Variants in DERA observed in about 807,000 individuals in gnomAD.
DERA encodes the protein deoxyribose-phosphate aldolase.
Under a neutral mutation model 41.1 loss-of-function variants are expected in DERA, and 15 were observed. That is an observed-to-expected ratio of 0.37 (90% CI 0.24 to 0.56). DERA has a LOEUF of 0.56. Ranked by LOEUF, DERA falls within the 20% of genes least tolerant of loss-of-function variation. The pLI is 0.81. For synonymous variants in DERA, 139 were observed against 137.4 expected (o/e 1.01, Z -0.08); for missense variants, 396 against 403.4 (o/e 0.98, Z 0.16).
chr12:16,027,897 A>G (rs1949063572), intron 6 of DERA, among the ~76,000 whole-genome samples: 2 of 152,260 alleles, frequency 1.3e-5, no homozygotes, highest in Non-Finnish European at 2.9e-5. Flanking sequence ...TGGTTAATAT[A>G]CAAAATTCAG....
chr12:15,932,718 T>G (rs537868768), intron 1 of DERA, among the ~76,000 whole-genome samples: 1 of 152,342 alleles, frequency 6.6e-6, no homozygotes, highest in African/African-American at 2.4e-5. Context: ...ATTTAAAGTC[T>G]ATTGTTAACG....
rs538955368 is a variant in DERA, at chr12:15,961,438, G to C, written c.374-1375G>C. ...ATCTGTGATCCCAACACTTTGGGGG[G>C]GCTCAGGCGAGAGGATTGATTAAAG... On this transcript the variant is annotated intron_variant, in intron 4 of 8. Coordinates refer to ENST00000428559, the MANE Select transcript of DERA (RefSeq NM_015954.4). Among the ~76,000 whole-genome samples, 289 of 152,228 alleles carry C rather than the reference G, an allele frequency of 1.9e-3. 2 individuals carry two copies. The highest frequency in any genetic ancestry group is 6.5e-3 in the African/African-American group (270 of 41,534).
At chr12:15,942,748 A>G (rs1194306191) in intron 1 of DERA, among the ~76,000 whole-genome samples, 1 of 152,198 alleles carries the variant, frequency 6.6e-6, no homozygotes, top group East Asian at 1.9e-4. Flanking sequence ...AACACTTGGT[A>G]AAGTAACACT....
In DERA at chr12:15,976,413, C is replaced by T. The variant is rs928969728; in HGVS notation, c.509-5895C>T. 6.6e-6 allele frequency among the ~76,000 whole-genome samples: 1 copy of T among 152,154 alleles called. No individual in the cohort carries two copies. The highest frequency in any genetic ancestry group is 1.5e-5 in the Non-Finnish European group (1 of 68,034). The stretch of plus-strand genomic sequence containing the variant: ...AGCTGACTGCACGTCCCCCTCACCT[C>T]GCCTCCATCATGTTGCCATGATGTA... On this transcript the variant is annotated intron_variant, in intron 5 of 8. Transcript: ENST00000428559. This position sits in a 1 kb window ranked among gnomAD's most constrained non-coding sequence, Gnocchi z 4.1.
intron 1 of DERA, among the ~76,000 whole-genome samples, chr12:15,916,546 G>A (rs554290262): frequency 6.6e-6 from 1 of 151,468 alleles, no homozygotes; most frequent in South Asian, 2.1e-4. Context: ...CGCCTCCCGG[G>A]TTCAAGTGAG....
rs1347089660 is a variant in DERA, at chr12:15,911,898, T to C, written c.31+484T>C. 2.5e-6 allele frequency: 1 copy of C among 403,430 alleles called. No homozygotes were observed. Among genetic ancestry groups the C allele is most frequent in the East Asian group, 7.1e-5 (1 of 14,010 alleles). The allele number at this position is 403,430 out of a possible 1,614,324, so 25.0% of individuals were successfully genotyped here. On this transcript the variant is annotated intron_variant, in intron 1 of 8. Transcript: ENST00000428559. This position sits in a 1 kb window ranked among gnomAD's most constrained non-coding sequence, Gnocchi z 4.5. ...TTGTCAGCCGTCTGTGCTCAAAATG[T>C]AACACTGCAGATTCATGGGATTTTA...
At chr12:15,933,938 C>T (rs1029693960) in intron 1 of DERA, among the ~76,000 whole-genome samples, 4 of 152,210 alleles carry the variant, frequency 2.6e-5, no homozygotes, top group South Asian at 2.1e-4. Flanking sequence ...TGTCAGGCCA[C>T]GTAAGCTGGT....
chr12:15,973,365 A>C (rs923299652), intron 5 of DERA, among the ~76,000 whole-genome samples: 3 of 149,682 alleles, frequency 2.0e-5, no homozygotes, highest in African/African-American at 7.4e-5. Flanking sequence ...TAAATTTTGC[A>C]TTATTCTGAC....
Position 15,982,215 on chromosome 12 carries a change from A to G in DERA, c.509-93A>G. 7.9e-7 allele frequency: 1 copy of G among 1,258,836 alleles called. No homozygotes were observed. Among genetic ancestry groups the G allele is most frequent in the African/African-American group, 1.5e-5 (1 of 66,230 alleles). The allele number at this position is 1,258,836 out of a possible 1,614,324, so 78.0% of individuals were successfully genotyped here. A position where few individuals can be genotyped will look rare whatever the true frequency, so the allele number is the denominator to read the frequency against. On this transcript the variant is annotated intron_variant, in intron 5 of 8. Transcript: ENST00000428559. This position sits in a 1 kb window ranked among gnomAD's most constrained non-coding sequence, Gnocchi z 4.0. ...AAGTGACAAATGTTTTATGTTTCCT[A>G]AATGTGAAATGGGTTCCACCAGCTC... is the stretch of plus-strand genomic sequence containing the variant.
In DERA at chr12:15,954,959, T is replaced by C. The variant is rs948152938; in HGVS notation, c.32-1977T>C. Among the ~76,000 whole-genome samples, 21 of 151,710 alleles carry C rather than the reference T, an allele frequency of 1.4e-4. 1 individual carries two copies. The highest frequency in any genetic ancestry group is 1.4e-3 in the Admixed American group (21 of 15,242). Reference sequence around the variant, plus strand: ...TTCTATATCTGCTTGAAACAGTCTTTACCATGAACCAAATCAGCATTATCA... The same window carrying C: ...TTCTATATCTGCTTGAAACAGTCTTCACCATGAACCAAATCAGCATTATCA... On this transcript the variant is annotated intron_variant, in intron 1 of 8. Coordinates refer to ENST00000428559, the MANE Select transcript of DERA (RefSeq NM_015954.4). This position sits in a 1 kb window ranked among gnomAD's most constrained non-coding sequence, Gnocchi z 4.0.
chr12:15,926,859 C>G (rs925100705), intron 1 of DERA, among the ~76,000 whole-genome samples: 1 of 152,126 alleles, frequency 6.6e-6, no homozygotes, highest in Non-Finnish European at 1.5e-5. Context: ...GAATTCAGCC[C>G]TCATGCCTTA....
chr12:15,937,250 C>G (rs1948375257), intron 1 of DERA, among the ~76,000 whole-genome samples: 1 of 152,116 alleles, frequency 6.6e-6, no homozygotes, highest in African/African-American at 2.4e-5. Context: ...GCCACTGTGC[C>G]CAGCCTGTAT....
intron 1 of DERA, among the ~76,000 whole-genome samples, chr12:15,920,854 C>T (rs895844861): frequency 6.6e-6 from 1 of 151,920 alleles, no homozygotes; most frequent in African/African-American, 2.4e-5. Context: ...ATACCCCCCC[C>T]AAAAATACCA....
intron 1 of DERA, among the ~76,000 whole-genome samples, chr12:15,923,598 A>G (rs531034175): frequency 6.6e-6 from 1 of 152,314 alleles, no homozygotes; most frequent in Admixed American, 6.5e-5. Context: ...ATCTTAAGTC[A>G]AGGTCTCATG....
rs181195926 is a variant in DERA at position 15,928,071 on chromosome 12, A to G, written c.31+16657A>G. On this transcript the variant is annotated intron_variant, in intron 1 of 8. Transcript: ENST00000428559. The surrounding 1 kb of genome is among the most constrained non-coding windows in gnomAD (Gnocchi z 4.6). ...TACAATGTAATATTTTGATACATGT[A>G]TACAATGTGAAATGATTAAATCAAG... is the stretch of plus-strand genomic sequence containing the variant. Among the ~76,000 whole-genome samples, 11 of 152,366 alleles carry G rather than the reference A, an allele frequency of 7.2e-5. No homozygotes were observed. Among genetic ancestry groups the G allele is most frequent in the African/African-American group, 2.4e-4 (10 of 41,586 alleles).
At chr12:15,937,882 C>T (rs888455792) in intron 1 of DERA, among the ~76,000 whole-genome samples, 1 of 152,196 alleles carries the variant, frequency 6.6e-6, no homozygotes, top group Non-Finnish European at 1.5e-5. Flanking sequence ...GTGTTTTTGT[C>T]ATCAATTCAT....
chr12:15,956,768 C>A (rs1231980514), intron 1 of DERA, 168 bp from the exon 2 acceptor site: 1 of 711,040 alleles, frequency 1.4e-6, no homozygotes, highest in South Asian at 1.4e-5. Flanking sequence ...GTTGACTGGT[C>A]TTCCATCAAT....
chr12:15,961,438 G>A lies in DERA; in HGVS notation c.374-1375G>A, dbSNP rs538955368. 2.0e-5 allele frequency among the ~76,000 whole-genome samples: 3 copies of A among 152,112 alleles called. No individual in the cohort carries two copies. The East Asian group carries it at 5.8e-4, about 29-fold the overall frequency. ...ATCTGTGATCCCAACACTTTGGGGG[G>A]GCTCAGGCGAGAGGATTGATTAAAG... On this transcript the variant is annotated intron_variant, in intron 4 of 8. Transcript: ENST00000428559.
chr12:15,962,804 C>T lies in DERA; in HGVS notation c.374-9C>T, dbSNP rs779022858. 6.6e-7 allele frequency: 1 copy of T among 1,524,048 alleles called. No homozygotes were observed. The highest frequency in any genetic ancestry group is 1.4e-5 in the African/African-American group (1 of 72,028). 94.4% of individuals were successfully genotyped at this position (1,524,048 alleles called of 1,614,324 possible). ...CCTCTTTCTTCATTTCCTTTCTTAA[C>T]TCTATTAGTGGCCGCTGGATTTCCA... On this transcript the variant is annotated splice_polypyrimidine_tract_variant and intron_variant, in intron 4 of 8. Transcript: ENST00000428559.
Sources: gnomAD v4.1 joint callset for allele counts (sites outside exome capture counted in the v4.1 genomes callset) on GRCh38, gnomAD v4.1.1 for gene constraint, Gnocchi (gnomAD v3.1) non-coding constraint, MANE v1.5 for transcripts, NCBI Gene and HGNC (gene_info 2026-07-23, HGNC 2026-07-21) for gene names.